The following C8orf34 variants were observed in gnomAD, a reference collection of about 807,000 sequenced individuals.
The protein encoded by C8orf34 is chromosome 8 open reading frame 34.
In C8orf34, 65 loss-of-function variants were observed where a neutral mutation model predicts 68.3. The ratio of observed to expected loss-of-function variants is 0.95; its 90% CI spans 0.78 to 1.17. C8orf34 has a LOEUF of 1.17. Ranked by LOEUF, C8orf34 falls within the 50% of genes most tolerant of loss-of-function variation. C8orf34 has a pLI of 0.00. For missense variants in C8orf34, 664 were observed against 655.4 expected (o/e 1.01, Z -0.14); for synonymous variants, 244 against 241.2 (o/e 1.01, Z -0.11).
intron 12 of C8orf34, among the ~76,000 whole-genome samples, chr8:68,790,498 G>A (rs1823963765): frequency 6.6e-6 from 1 of 152,034 alleles, no homozygotes; most frequent in South Asian, 2.1e-4. Flanking sequence ...ATTTCTTATT[G>A]CACCATTTAA....
At chr8:68,632,233 T>C (rs11997399) in intron 7 of C8orf34, among the ~76,000 whole-genome samples, 12,640 of 152,180 alleles carry the variant, frequency 0.083, 829 homozygotes, top group African/African-American at 0.18. Flanking sequence ...ACTCTTGTTA[T>C]ATCTTAGCAA....
chr8:68,781,365 A>T (rs1313192424), intron 11 of C8orf34, among the ~76,000 whole-genome samples: 2 of 152,176 alleles, frequency 1.3e-5, no homozygotes, highest in African/African-American at 4.8e-5. Context: ...GATAAATATC[A>T]CTATTTCCCA....
intron 7 of C8orf34, among the ~76,000 whole-genome samples, chr8:68,546,924 C>G (rs1815903145): frequency 6.6e-6 from 1 of 151,238 alleles, no homozygotes; most frequent in Admixed American, 6.6e-5. Flanking sequence ...GGAGATATAG[C>G]CAAAACAGTG....
chr8:68,528,498 G>A (rs1393652678), intron 6 of C8orf34, among the ~76,000 whole-genome samples: 1 of 152,116 alleles, frequency 6.6e-6, no homozygotes, highest in East Asian at 1.9e-4. Context: ...CCTTGGATAT[G>A]CCCTCAAGTC....
intron 12 of C8orf34, among the ~76,000 whole-genome samples, chr8:68,792,800 G>T (rs1279337665): frequency 6.6e-6 from 1 of 151,738 alleles, no homozygotes; most frequent in Non-Finnish European, 1.5e-5. Flanking sequence ...TAGAAAGTTT[G>T]CCAGAAAGCA....
chr8:68,538,160 G>A lies in C8orf34; in HGVS notation c.1105+5011G>A, dbSNP rs115770115. ...ATTTATCACTTTGAATAAGTTCCACGTTTTTTGACACATACCAATAACATA... is the reference window on the plus strand; with the variant it reads ...ATTTATCACTTTGAATAAGTTCCACATTTTTTGACACATACCAATAACATA... On this transcript the variant is annotated intron_variant, in intron 7 of 13. Coordinates refer to ENST00000518698, the MANE Select transcript of C8orf34 (RefSeq NM_052958.4). 3.1e-3 allele frequency among the ~76,000 whole-genome samples: 466 copies of A among 152,122 alleles called. 2 individuals are homozygous for A. The highest frequency in any genetic ancestry group is 0.011 in the African/African-American group (440 of 41,520).
At chr8:68,436,001 A>T (rs908089705) in intron 1 of C8orf34, among the ~76,000 whole-genome samples, 2 of 152,196 alleles carry the variant, frequency 1.3e-5, no homozygotes, top group Admixed American at 1.3e-4. Flanking sequence ...TGAGGTCAGA[A>T]GTTTGAGACC....
intron 7 of C8orf34, among the ~76,000 whole-genome samples, chr8:68,590,896 G>C (rs2130433518): frequency 6.6e-6 from 1 of 152,284 alleles, no homozygotes; most frequent in East Asian, 1.9e-4. Flanking sequence ...CAAAGACCCA[G>C]AGTTAGGAGA....
At chr8:68,757,303 A>C (rs911107640) in intron 10 of C8orf34, among the ~76,000 whole-genome samples, 1 of 152,126 alleles carries the variant, frequency 6.6e-6, no homozygotes, top group Non-Finnish European at 1.5e-5. Flanking sequence ...ACGGATGTTA[A>C]CCAGCTCACT....
chr8:68,721,406 A>G lies in C8orf34; in HGVS notation c.1373A>G (p.Glu458Gly), dbSNP rs2129526459. Residue 458 changes from glutamate to glycine, a missense_variant, in exon 10 of 14, where the codon GAA becomes GGA. By Grantham distance (98) the Glu-to-Gly change is moderately conservative. Coordinates refer to ENST00000518698, the MANE Select transcript of C8orf34 (RefSeq NM_052958.4). ...GAAGCACTAATGGAGGAGGGTGACGAATTTGAGAAAGCATCTAAACTAACA... is the reference window on the plus strand; with the variant it reads ...GAAGCACTAATGGAGGAGGGTGACGGATTTGAGAAAGCATCTAAACTAACA... The part of the protein sequence containing the change: ...TEEALMEEGD[E>G]FEKASKLTGP... The G allele has an allele frequency of 6.2e-7, 1 of 1,609,640 alleles. No individual in the cohort carries two copies. Among genetic ancestry groups the G allele is most frequent in the Admixed American group, 1.7e-5 (1 of 59,916 alleles).
chr8:68,650,062 A>AC (rs1411178072), intron 8 of C8orf34, among the ~76,000 whole-genome samples: 1 of 151,824 alleles, frequency 6.6e-6, no homozygotes, highest in East Asian at 1.9e-4. Context: ...TTTTAGAAAA[A>AC]AAAAAGAAAT....
chr8:68,499,121 C>T (rs1813656448), intron 5 of C8orf34, among the ~76,000 whole-genome samples: 1 of 152,120 alleles, frequency 6.6e-6, no homozygotes, highest in African/African-American at 2.4e-5. Context: ...TTGTTCCCAT[C>T]TTTATGGCCA....
At chr8:68,563,556 G>C (rs1006016175) in intron 7 of C8orf34, among the ~76,000 whole-genome samples, 3 of 152,016 alleles carry the variant, frequency 2.0e-5, no homozygotes, top group African/African-American at 7.2e-5. Context: ...ACAGATCCCA[G>C]TGCTACAAAG....
At chr8:68,646,719 C>A (rs1585667414) in intron 8 of C8orf34, among the ~76,000 whole-genome samples, 1 of 152,088 alleles carries the variant, frequency 6.6e-6, no homozygotes, top group East Asian at 1.9e-4. Context: ...AGATTGTGCA[C>A]TATTTGTCTT....
intron 13 of C8orf34, among the ~76,000 whole-genome samples, chr8:68,817,928 T>G (rs1054790737): frequency 5.3e-5 from 8 of 152,142 alleles, no homozygotes; most frequent in African/African-American, 1.9e-4. Flanking sequence ...GGGGAAATCA[T>G]ACCCATGATT....
At chr8:68,774,328 T>TATATA (rs1415039037) in intron 10 of C8orf34, among the ~76,000 whole-genome samples, 1 of 125,280 alleles carries the variant, frequency 8.0e-6, no homozygotes, top group Non-Finnish European at 1.6e-5. Flanking sequence ...TATGGGTGTG[T>TATATA]GTGTATATAT....
chr8:68,724,855 G>T (rs1563631753), intron 10 of C8orf34, among the ~76,000 whole-genome samples: 1 of 151,966 alleles, frequency 6.6e-6, no homozygotes, highest in East Asian at 1.9e-4. Context: ...AATTTCTATG[G>T]CTTTCTTATT....
chr8:68,650,017 A>G (rs1033755946), intron 8 of C8orf34, among the ~76,000 whole-genome samples: 5 of 151,956 alleles, frequency 3.3e-5, no homozygotes, highest in African/African-American at 9.7e-5. Flanking sequence ...AAAAGAAATC[A>G]AATATACATT....
chr8:68,488,119 T>C (rs538087457), intron 5 of C8orf34, 68 bp downstream of exon 5: 21 of 1,116,724 alleles, frequency 1.9e-5, no homozygotes, highest in Non-Finnish European at 2.7e-5. Context: ...TGTCTCAACA[T>C]AAATAAATTT....
Sources: allele counts gnomAD v4.1 joint callset (sites outside exome capture counted in the v4.1 genomes callset), GRCh38; gene constraint gnomAD v4.1.1; transcripts MANE v1.5; gene names NCBI Gene and HGNC (gene_info 2026-07-23, HGNC 2026-07-21).